Variants in DNAH11 observed in about 807,000 individuals in gnomAD.
DNAH11 encodes axonemal beta dynein heavy chain 11.
Under a neutral mutation model 526.0 loss-of-function variants are expected in DNAH11, and 442 were observed. The observed-to-expected ratio is 0.84, with a 90% CI of 0.78 to 0.91. DNAH11 has a LOEUF of 0.91. DNAH11 is among the 40% of genes least tolerant of loss of function. The pLI, the probability that DNAH11 is intolerant of heterozygous loss-of-function variation, is 0.00. For synonymous variants in DNAH11, 2,461 were observed against 1,935.9 expected (o/e 1.27, Z -7.12); for missense variants, 6,989 against 5,448.7 (o/e 1.28, Z -8.90).
At chr7:21,839,841 T>C (rs1044548264) in intron 65 of DNAH11, among the ~76,000 whole-genome samples, 2 of 152,208 alleles carry the variant, frequency 1.3e-5, no homozygotes, top group Admixed American at 6.5e-5. Flanking sequence ...CAGTGTAAGA[T>C]CACTCTGCAG....
At chr7:21,702,435 G>A (rs1224425673) in intron 36 of DNAH11, among the ~76,000 whole-genome samples, 7 of 152,046 alleles carry the variant, frequency 4.6e-5, no homozygotes, top group African/African-American at 1.7e-4. Flanking sequence ...GTACAGCAAG[G>A]GAGGTGGATG....
intron 61 of DNAH11, among the ~76,000 whole-genome samples, chr7:21,796,712 C>T (rs1429563845): frequency 6.6e-6 from 1 of 152,156 alleles, no homozygotes; most frequent in African/African-American, 2.4e-5. Flanking sequence ...CATCTTAGCC[C>T]AGTACTTTCC....
rs1204534622 is a variant in DNAH11 at position 21,818,175 on chromosome 7, C to G, written c.10569-42C>G. ...TTTAAAAAATTTTGAACATTTTGTG[C>G]CAATTTACATTTTATTATCTCAAAT... On this transcript the variant is annotated intron_variant, in intron 64 of 81. Transcript: ENST00000409508. 1.9e-6 allele frequency: 3 copies of G among 1,582,654 alleles called. No individual in the cohort carries two copies. In the Admixed American group the frequency reaches 5.6e-5, roughly 30 times the overall value.
intron 32 of DNAH11, among the ~76,000 whole-genome samples, chr7:21,685,105 T>G (rs1317366386): frequency 6.6e-6 from 1 of 152,240 alleles, no homozygotes; most frequent in Non-Finnish European, 1.5e-5. Flanking sequence ...ATAGTTTCTA[T>G]AATTATGTCT....
chr7:21,847,588 T>G (rs1290875954), intron 66 of DNAH11, among the ~76,000 whole-genome samples: 1 of 152,202 alleles, frequency 6.6e-6, no homozygotes, highest in Non-Finnish European at 1.5e-5. Context: ...GGTGTGTTAC[T>G]TGGTCCATCT....
intron 9 of DNAH11, among the ~76,000 whole-genome samples, chr7:21,582,707 GAAAAA>G (rs1285729415): frequency 1.3e-5 from 2 of 152,018 alleles, no homozygotes; most frequent in East Asian, 3.9e-4. Context: ...GCTTGACAAA[GAAAAA>G]AATCACAAAT....
At chr7:21,713,653 T>C (rs1026123511) in intron 42 of DNAH11, among the ~76,000 whole-genome samples, 2 of 152,134 alleles carry the variant, frequency 1.3e-5, no homozygotes, top group Non-Finnish European at 2.9e-5. Context: ...TCCCTTGTTA[T>C]CCTGATTTAG....
chr7:21,796,949 T>G, intron 61 of DNAH11, among the ~76,000 whole-genome samples: 1 of 152,102 alleles, frequency 6.6e-6, no homozygotes. Context: ...AGAATAAAGT[T>G]TGTTTATCAG....
intron 20 of DNAH11, 103 bp downstream of exon 20, chr7:21,606,836 A>T: frequency 9.7e-7 from 1 of 1,026,966 alleles, no homozygotes; most frequent in Non-Finnish European, 1.4e-6. Flanking sequence ...TTTTGCTGTT[A>T]TAGGAATTGA....
chr7:21,637,801 C>T (rs2128459952), intron 27 of DNAH11, 99 bp downstream of exon 27: 1 of 620,580 alleles, frequency 1.6e-6, no homozygotes, highest in South Asian at 5.5e-5. Context: ...GGAGGTGCAA[C>T]CTCTACTAAA....
Position 21,873,449 on chromosome 7 carries a change from C to G in DNAH11, c.12143C>G (p.Pro4048Arg). ...LENSIKITNE[P>R]PTGMLANLHA... ...AATTCCATTAAGATCACTAATGAAC[C>G]CCCAACAGGGATGCTGGCCAATTTG... The change falls in exon 74 of 82, where the codon CCC (proline) becomes CGC (arginine). Residue 4048 changes from proline (P) to arginine (R), a missense_variant. Physicochemically the swap from Pro to Arg is moderately radical, Grantham distance 103 (BLOSUM62 -2). Coordinates refer to ENST00000409508, the MANE Select transcript of DNAH11 (RefSeq NM_001277115.2). 6 of 1,613,886 alleles carry G rather than the reference C, an allele frequency of 3.7e-6. No individual in the cohort carries two copies. The highest frequency in any genetic ancestry group is 5.1e-6 in the Non-Finnish European group (6 of 1,179,864).
intron 45 of DNAH11, among the ~76,000 whole-genome samples, chr7:21,727,438 C>A (rs573705157): frequency 4.0e-4 from 61 of 152,328 alleles, no homozygotes; most frequent in Admixed American, 9.2e-4. Context: ...CTCCAGCTAT[C>A]AAATGAATAT....
Position 21,901,780 on chromosome 7 carries a change from G to GTTGA in DNAH11, c.*528_*531dup. ...GCCTCCAGTGTCCAGTGTCTACAAT[G>GTTGA]TTGATGGTCCCCTTTTGTTCAGTCA... On this transcript the variant is annotated 3_prime_UTR_variant, in exon 82 of 82. Coordinates refer to ENST00000409508, the MANE Select transcript of DNAH11 (RefSeq NM_001277115.2). 1 of 162,010 alleles carries GTTGA rather than the reference G, an allele frequency of 6.2e-6. No individual in the cohort carries two copies. The highest frequency in any genetic ancestry group is 1.7e-4 in the East Asian group (1 of 5,870). 10.0% of individuals were successfully genotyped at this position (162,010 alleles called of 1,614,324 possible). A position where few individuals can be genotyped will look rare whatever the true frequency, so the allele number is the denominator to read the frequency against.
At chr7:21,706,419 G>A (rs1406245085) in intron 39 of DNAH11, among the ~76,000 whole-genome samples, 1 of 151,876 alleles carries the variant, frequency 6.6e-6, no homozygotes, top group Non-Finnish European at 1.5e-5. Flanking sequence ...GAACTTGCCA[G>A]TATTTAGATC....
chr7:21,681,733 T>C (rs1313459159), intron 31 of DNAH11, 56 bp downstream of exon 31: 2 of 1,601,156 alleles, frequency 1.2e-6, no homozygotes, highest in Admixed American at 1.7e-5. Context: ...AAGTGGTGTT[T>C]ATTGCCAGAG....
intron 52 of DNAH11, among the ~76,000 whole-genome samples, chr7:21,749,228 A>G (rs1035990056): frequency 6.6e-6 from 1 of 152,246 alleles, no homozygotes; most frequent in African/African-American, 2.4e-5. Flanking sequence ...TAGTACTTAC[A>G]AAATAGTACC....
At chr7:21,883,754 C>A (rs57437438) in intron 75 of DNAH11, among the ~76,000 whole-genome samples, 2 of 152,038 alleles carry the variant, frequency 1.3e-5, no homozygotes, top group Non-Finnish European at 2.9e-5. Context: ...TAAAATCTGC[C>A]TAAGGCTGGG....
chr7:21,649,173 T>G (rs1481736068), intron 28 of DNAH11, among the ~76,000 whole-genome samples: 1 of 152,216 alleles, frequency 6.6e-6, no homozygotes, highest in Non-Finnish European at 1.5e-5. Flanking sequence ...GTAATGGGAA[T>G]GTTCATATCT....
chr7:21,638,876 T>G (rs2128460258), intron 27 of DNAH11, 63 bp from the exon 28 acceptor site: 1 of 1,543,602 alleles, frequency 6.5e-7, no homozygotes, highest in South Asian at 1.3e-5. Context: ...TGAGTTTTGT[T>G]TTGCCGAAGT....
Sources: gnomAD v4.1 joint callset for allele counts (sites outside exome capture counted in the v4.1 genomes callset) on GRCh38, gnomAD v4.1.1 for gene constraint, MANE v1.5 for transcripts, NCBI Gene and HGNC (gene_info 2026-07-23, HGNC 2026-07-21) for gene names.